Variants in CLVS1 observed in about 807,000 individuals in gnomAD.
CLVS1 encodes the protein clavesin-1.
CLVS1 carries 10 observed loss-of-function variants against 33.1 expected under a neutral mutation model. That is an observed-to-expected ratio of 0.30 (90% CI 0.19 to 0.51). CLVS1 has a LOEUF of 0.51. Ranked by LOEUF, CLVS1 falls within the 20% of genes least tolerant of loss-of-function variation. The pLI, the probability that CLVS1 is intolerant of heterozygous loss-of-function variation, is 0.97. For synonymous variants in CLVS1, 163 were observed against 166.1 expected (o/e 0.98, Z 0.14); for missense variants, 343 against 433.4 (o/e 0.79, Z 1.85).
chr8:61,233,284 T>C (rs1017568492), intron 2 of CLVS1, among the ~76,000 whole-genome samples: 10 of 152,206 alleles, frequency 6.6e-5, no homozygotes, highest in Non-Finnish European at 1.0e-4. Context: ...ATCGACACAT[T>C]CTGAACACCC....
At position 61,452,320 on chromosome 8, in the gene CLVS1, C is replaced by T. The variant is rs1333139921; in HGVS notation, c.631-1821C>T. Among the ~76,000 whole-genome samples, 3 of 152,302 alleles carry T rather than the reference C, an allele frequency of 2.0e-5. 1 individual carries two copies. Among genetic ancestry groups the T allele is most frequent in the South Asian group, 4.1e-4 (2 of 4,824 alleles). On this transcript the variant is annotated intron_variant, in intron 3 of 5. Coordinates refer to ENST00000325897, the MANE Select transcript of CLVS1 (RefSeq NM_173519.3). ...CAGTAACCTAGAACTATATAACACA[C>T]CATCAATAGAAATAAACCTCTTATT...
At chr8:61,089,827 C>T (rs1204273679) in intron 1 of CLVS1, among the ~76,000 whole-genome samples, 2 of 152,276 alleles carry the variant, frequency 1.3e-5, no homozygotes, top group Non-Finnish European at 2.9e-5. Flanking sequence ...GAGGCTGAGG[C>T]AGGAGGGTTG....
At chr8:61,290,688 C>G (rs1000468693) in intron 1 of CLVS1, among the ~76,000 whole-genome samples, 12 of 152,200 alleles carry the variant, frequency 7.9e-5, no homozygotes, top group African/African-American at 2.9e-4. Flanking sequence ...TAAATGGATC[C>G]AGGCTGACTT....
chr8:61,299,683 A>G lies in CLVS1; in HGVS notation c.-145A>G, dbSNP rs548652090. ...GTGTGTATTTGTTTTTCAGTAAGCA[A>G]TGGCCTCAGTTTTGCTTCTGTTTTG... On this transcript the variant is annotated 5_prime_UTR_variant, in exon 2 of 6. It removes an upstream start codon present in the reference 5' UTR. Transcript: ENST00000325897. 2.2e-5 allele frequency: 13 copies of G among 602,214 alleles called. No individual in the cohort carries two copies. Among genetic ancestry groups the G allele is most frequent in the African/African-American group, 1.3e-4 (7 of 54,044 alleles). The allele number at this position is 602,214 out of a possible 1,614,324, so 37.3% of individuals were successfully genotyped here.
intron 5 of CLVS1, chr8:61,465,204 C>T (rs906102188): frequency 6.6e-6 from 1 of 152,290 alleles, no homozygotes; most frequent in Non-Finnish European, 1.5e-5. Flanking sequence ...TTCACATCAT[C>T]TATTTTCATA....
chr8:61,454,757 T>G (rs960130212), intron 4 of CLVS1, among the ~76,000 whole-genome samples: 3 of 152,222 alleles, frequency 2.0e-5, no homozygotes, highest in African/African-American at 7.2e-5. Flanking sequence ...CAGCCTTAAT[T>G]ATATCAATTG....
chr8:61,323,725 G>A (rs1468990331), intron 2 of CLVS1, among the ~76,000 whole-genome samples: 1 of 151,924 alleles, frequency 6.6e-6, no homozygotes, highest in Non-Finnish European at 1.5e-5. Flanking sequence ...TTGTGTCATG[G>A]GGGTTTGTTG....
chr8:60,984,108 CACCAATGGGAAAGGGTGGTGAGGATG>C, the CLVS1 span, among the ~76,000 whole-genome samples: 1 of 152,124 alleles, frequency 6.6e-6, no homozygotes, highest in Non-Finnish European at 1.5e-5. Flanking sequence ...GCTCCTTCCT[CACCAATGGGAAAGGGTGGTGAGGATG>C]ACCCTGGAGG....
intron 1 of CLVS1, among the ~76,000 whole-genome samples, chr8:61,126,565 A>T (rs1323702660): frequency 2.0e-5 from 3 of 152,246 alleles, no homozygotes; most frequent in African/African-American, 7.2e-5. Flanking sequence ...AAGAAGCTTT[A>T]AAGTAAAATA....
chr8:60,995,835 A>C, the CLVS1 span, among the ~76,000 whole-genome samples: 1 of 152,254 alleles, frequency 6.6e-6, no homozygotes, highest in African/African-American at 2.4e-5. Context: ...TGAAGCCATA[A>C]AAAATGATGA....
chr8:61,463,418 G>T (rs919045228), intron 5 of CLVS1, among the ~76,000 whole-genome samples: 3 of 152,222 alleles, frequency 2.0e-5, no homozygotes, highest in Non-Finnish European at 4.4e-5. Flanking sequence ...AAGAGGCCTA[G>T]CTTTCAGACT....
chr8:61,457,019 C>A (rs7816580), intron 4 of CLVS1, among the ~76,000 whole-genome samples: 23,952 of 151,468 alleles, frequency 0.16, 5,216 homozygotes, highest in African/African-American at 0.5. Context: ...CCCACTGCAA[C>A]CTCCGCCTCC....
At chr8:61,427,795 T>A (rs1815949413) in intron 3 of CLVS1, among the ~76,000 whole-genome samples, 1 of 152,202 alleles carries the variant, frequency 6.6e-6, no homozygotes, top group Non-Finnish European at 1.5e-5. Context: ...CATAAATATA[T>A]CCTTTTTGGT....
intron 2 of CLVS1, among the ~76,000 whole-genome samples, chr8:61,240,820 T>C (rs960908730): frequency 2.0e-5 from 3 of 151,990 alleles, no homozygotes; most frequent in African/African-American, 7.2e-5. Flanking sequence ...GTGGCAATAG[T>C]GGGCTTTTTT....
the CLVS1 span, among the ~76,000 whole-genome samples, chr8:60,990,190 A>G: frequency 6.6e-6 from 1 of 151,696 alleles, no homozygotes; most frequent in African/African-American, 2.4e-5. Context: ...GAGAACTAAG[A>G]ACTATGAACA....
intron 2 of CLVS1, among the ~76,000 whole-genome samples, chr8:61,304,381 C>G (rs1286268450): frequency 6.6e-6 from 1 of 152,232 alleles, no homozygotes; most frequent in Admixed American, 6.5e-5. Flanking sequence ...ATAAACTGGC[C>G]TTGCCTGGGC....
chr8:61,491,815 TTTA>T (rs1401556641), intron 5 of CLVS1, among the ~76,000 whole-genome samples: 5 of 152,242 alleles, frequency 3.3e-5, no homozygotes, highest in Admixed American at 3.3e-4. Context: ...ATATTATTTA[TTTA>T]TTTTGAGATA....
chr8:61,191,084 T>G (rs576004356), intron 2 of CLVS1, among the ~76,000 whole-genome samples: 70 of 152,230 alleles, frequency 4.6e-4, no homozygotes, highest in African/African-American at 1.7e-3. Flanking sequence ...AAAGAGAATT[T>G]TAGACCAATA....
At chr8:61,461,712 CA>C (rs1817371737) in intron 5 of CLVS1, among the ~76,000 whole-genome samples, 1 of 152,130 alleles carries the variant, frequency 6.6e-6, no homozygotes, top group Non-Finnish European at 1.5e-5. Flanking sequence ...ATACCTCCTT[CA>C]TTTTCTTAGG....
Sources: allele counts gnomAD v4.1 joint callset (sites outside exome capture counted in the v4.1 genomes callset), GRCh38; gene constraint gnomAD v4.1.1; transcripts MANE v1.5; gene names NCBI Gene and HGNC (gene_info 2026-07-23, HGNC 2026-07-21).